DNAJC5B: variants seen among roughly 807,000 people sequenced by gnomAD.
DNAJC5B encodes DnaJ heat shock protein family (Hsp40) member C5 beta, also known as dnaJ homolog subfamily C member 5B.
Under a neutral mutation model 24.7 loss-of-function variants are expected in DNAJC5B, and 23 were observed. The ratio of observed to expected loss-of-function variants is 0.93; its 90% CI spans 0.67 to 1.32. The LOEUF is 1.32. Ranked by LOEUF, DNAJC5B falls within the 40% of genes most tolerant of loss-of-function variation. The probability of loss-of-function intolerance (pLI) is 0.00; values close to 1 mark genes in which losing one functional copy is unlikely to be tolerated. For synonymous variants in DNAJC5B, 101 were observed against 90.1 expected (o/e 1.12, Z -0.68); for missense variants, 238 against 240.8 (o/e 0.99, Z 0.08).
upstream of DNAJC5B, among the ~76,000 whole-genome samples, chr8:66,020,082 T>C (rs971295129): frequency 2.0e-5 from 3 of 152,216 alleles, no homozygotes; most frequent in Non-Finnish European, 2.9e-5. Context: ...TGGGACCAAA[T>C]GACAATTTCT....
chr8:66,051,332 A>G (rs1449012433), intron 2 of DNAJC5B, among the ~76,000 whole-genome samples, 199 bp from the exon 3 acceptor site: 1 of 152,154 alleles, frequency 6.6e-6, no homozygotes, highest in Non-Finnish European at 1.5e-5. Context: ...TTCCATTTGC[A>G]TGGCTGCCTG....
intron 5 of DNAJC5B, among the ~76,000 whole-genome samples, chr8:66,088,398 C>T (rs1054003892): frequency 1.6e-4 from 24 of 152,302 alleles, no homozygotes; most frequent in African/African-American, 5.8e-4. Context: ...TGTACATGCC[C>T]TGGAGACAGT....
At chr8:66,024,404 C>CTTTTTTTTTTTTTTTTTATTTT (rs1806209076) in intron 1 of DNAJC5B, among the ~76,000 whole-genome samples, 1 of 109,394 alleles carries the variant, frequency 9.1e-6, no homozygotes. Context: ...TTTCAGGATT[C>CTTTTTTTTTTTTTTTTTATTTT]TTTTTTTTTT....
intron 1 of DNAJC5B, among the ~76,000 whole-genome samples, chr8:66,022,390 C>A (rs1167426471): frequency 1.3e-5 from 2 of 152,220 alleles, no homozygotes; most frequent in Non-Finnish European, 2.9e-5. Context: ...GGGCCAGCGC[C>A]AGGCCCTGAC....
upstream of DNAJC5B, among the ~76,000 whole-genome samples, chr8:66,019,741 A>T (rs888721812): frequency 6.6e-6 from 1 of 152,226 alleles, no homozygotes; most frequent in Non-Finnish European, 1.5e-5. Flanking sequence ...CATTATTTTC[A>T]TGAGTTCAGC....
At chr8:66,015,233 CTAGCTGTAGCTG>C in the DNAJC5B span, among the ~76,000 whole-genome samples, 3 of 151,354 alleles carry the variant, frequency 2.0e-5, no homozygotes, top group East Asian at 1.9e-4. Context: ...AGTCTGTCTT[CTAGCTGTAGCTG>C]TAGCTGTAGC....
chr8:66,099,266 G>A (rs1808022127), intron 5 of DNAJC5B, among the ~76,000 whole-genome samples: 3 of 151,852 alleles, frequency 2.0e-5, no homozygotes, highest in African/African-American at 7.2e-5. Context: ...AACTTGGTCT[G>A]CCAACTTGTG....
rs1563616733 is a variant in DNAJC5B at position 66,100,939 on chromosome 8, A to G, written c.*908A>G. 6.6e-6 allele frequency among the ~76,000 whole-genome samples: 1 copy of G among 152,164 alleles called. No homozygotes were observed. The highest frequency in any genetic ancestry group is 2.4e-5 in the African/African-American group (1 of 41,436). ...TGCATGTTACACAATTTAAGCCCAG[A>G]GGTCATCTCTGCATTTGCTTGTTTG... On this transcript the variant is annotated 3_prime_UTR_variant, in exon 6 of 6. Coordinates refer to ENST00000276570, the MANE Select transcript of DNAJC5B (RefSeq NM_033105.6).
chr8:66,082,024 G>T (rs1675628433), intron 5 of DNAJC5B, among the ~76,000 whole-genome samples: 1 of 152,048 alleles, frequency 6.6e-6, no homozygotes, highest in Non-Finnish European at 1.5e-5. Context: ...TTCAGGAAAA[G>T]GTCCGTGACA....
At chr8:66,039,588 G>C (rs1806564247) in intron 1 of DNAJC5B, among the ~76,000 whole-genome samples, 1 of 152,150 alleles carries the variant, frequency 6.6e-6, no homozygotes, top group African/African-American at 2.4e-5. Flanking sequence ...GACCTCAGGT[G>C]ATCCACCAGC....
At chr8:66,041,165 T>G (rs1247216234) in intron 1 of DNAJC5B, among the ~76,000 whole-genome samples, 1 of 152,240 alleles carries the variant, frequency 6.6e-6, no homozygotes, top group Non-Finnish European at 1.5e-5. Flanking sequence ...GGCTTGAGTT[T>G]CATATATTGC....
intron 5 of DNAJC5B, among the ~76,000 whole-genome samples, chr8:66,082,939 C>T (rs1586110781): frequency 6.6e-6 from 1 of 151,698 alleles, no homozygotes; most frequent in Admixed American, 6.6e-5. Flanking sequence ...TTTGTGGCTG[C>T]ACATCCATTG....
chr8:66,042,617 CT>C (rs1178549146), intron 1 of DNAJC5B, among the ~76,000 whole-genome samples: 7 of 150,232 alleles, frequency 4.7e-5, no homozygotes, highest in African/African-American at 1.7e-4. Flanking sequence ...TCTTCTTCTT[CT>C]TCTTCTCCTT....
rs188211470 is a variant in DNAJC5B at position 66,079,544 on chromosome 8, C to T, written c.334-833C>T. The stretch of plus-strand genomic sequence containing the variant: ...GGTGACTGGGGAACTGGGAGGTGGA[C>T]GTCCAGACAGATGAATCCACAGGGA... On this transcript the variant is annotated intron_variant, in intron 4 of 5. Coordinates refer to ENST00000276570, the MANE Select transcript of DNAJC5B (RefSeq NM_033105.6). 4.3e-4 allele frequency among the ~76,000 whole-genome samples: 66 copies of T among 152,230 alleles called. No individual in the cohort carries two copies. The Middle Eastern group carries it at 0.01, about 24-fold the overall frequency.
intron 5 of DNAJC5B, among the ~76,000 whole-genome samples, chr8:66,093,280 G>A (rs949557137): frequency 6.6e-6 from 1 of 152,130 alleles, no homozygotes; most frequent in Non-Finnish European, 1.5e-5. Flanking sequence ...CTTAGTCAAA[G>A]GATATGCACT....
chr8:66,076,781 G>T lies in DNAJC5B; in HGVS notation c.241G>T (p.Asp81Tyr). 1 of 1,614,152 alleles carries T rather than the reference G, an allele frequency of 6.2e-7. No individual in the cohort carries two copies. The highest frequency in any genetic ancestry group is 8.5e-7 in the Non-Finnish European group (1 of 1,180,018). ...CGACATTTCAAAGAGAAGCATATACGACAAGTACGGATCGCTGGGACTCTA... is the reference window on the plus strand; with the variant it reads ...CGACATTTCAAAGAGAAGCATATACTACAAGTACGGATCGCTGGGACTCTA... ...LTDISKRSIY[D>Y]KYGSLGLYVA... The change falls in exon 4 of 6, where the codon GAC becomes TAC. Residue 81 changes from aspartate to tyrosine, a missense_variant. Transcript: ENST00000276570.
At chr8:66,020,116 T>C (rs1806072356), upstream of DNAJC5B, among the ~76,000 whole-genome samples, 1 of 152,152 alleles carries the variant, frequency 6.6e-6, no homozygotes, top group Non-Finnish European at 1.5e-5. Context: ...AGCCCTGTGG[T>C]GGGGAAAAGG....
chr8:66,069,809 A>C (rs1037947446), intron 3 of DNAJC5B, among the ~76,000 whole-genome samples: 1 of 152,272 alleles, frequency 6.6e-6, no homozygotes, highest in Non-Finnish European at 1.5e-5. Flanking sequence ...AAAAATCCTC[A>C]ATAAAATACT....
chr8:66,031,656 A>T (rs1806363108), intron 1 of DNAJC5B, among the ~76,000 whole-genome samples: 1 of 152,226 alleles, frequency 6.6e-6, no homozygotes, highest in African/African-American at 2.4e-5. Flanking sequence ...CCAATGTTTC[A>T]GTTTGAGTCT....
Sources: allele counts gnomAD v4.1 joint callset (sites outside exome capture counted in the v4.1 genomes callset), GRCh38; gene constraint gnomAD v4.1.1; transcripts MANE v1.5; gene names NCBI Gene and HGNC (gene_info 2026-07-23, HGNC 2026-07-21).